The following ARHGEF33 variants were observed in gnomAD, a reference collection of about 807,000 sequenced individuals.
ARHGEF33 encodes Rho guanine nucleotide exchange factor 33, also known as DH and coiled-coil domain-containing protein ENSP00000381780.
In ARHGEF33, 72 loss-of-function variants were observed where a neutral mutation model predicts 101.9. The ratio of observed to expected loss-of-function variants is 0.71; its 90% CI spans 0.58 to 0.86. The LOEUF (loss-of-function observed/expected upper bound fraction) is 0.86, where lower values mean the gene tolerates loss of function less well. Ranked by LOEUF, ARHGEF33 falls within the 40% of genes least tolerant of loss-of-function variation. The pLI is 0.00. For missense variants in ARHGEF33, 1,169 were observed against 1,111.3 expected (o/e 1.05, Z -0.74); for synonymous variants, 499 against 442.5 (o/e 1.13, Z -1.60).
chr2:38,950,843 GA>G, intron 10 of ARHGEF33, 145 bp from the exon 11 acceptor site: 1 of 727,704 alleles, frequency 1.4e-6, no homozygotes, highest in Non-Finnish European at 2.2e-6. Flanking sequence ...GGTGTGCAAT[GA>G]AAAACTTTAA....
At chr2:38,961,369 A>G (rs6716101) in intron 16 of ARHGEF33, among the ~76,000 whole-genome samples, 141,727 of 152,174 alleles carry the variant, frequency 0.93, 66,106 homozygotes, top group African/African-American at 0.94. Context: ...CTGTGTCTGC[A>G]GGTCTACAGG....
In ARHGEF33 at chr2:38,966,109, GC is replaced by G; in HGVS notation, c.2448del (p.Arg818AlafsTer66). ...DQNPRQDQKG[G>X]FRSSFRKLFK... ...AATCCCAGGCAAGACCAGAAGGGGGGCTTTCGCAGCTCCTTCCGCAAGCTCT... is the reference window on the plus strand; with the variant it reads ...AATCCCAGGCAAGACCAGAAGGGGGGTTTCGCAGCTCCTTCCGCAAGCTCT... On this transcript the variant is annotated frameshift_variant, in exon 17 of 18. Transcript: ENST00000409978. LOFTEE classifies it high-confidence loss of function. The G allele has an allele frequency of 1.3e-6, 2 of 1,551,698 alleles. No homozygotes were observed. Among genetic ancestry groups the G allele is most frequent in the Non-Finnish European group, 1.7e-6 (2 of 1,146,980 alleles).
intron 17 of ARHGEF33, chr2:38,971,766 G>GA: frequency 1.4e-6 from 1 of 710,114 alleles, no homozygotes; most frequent in Middle Eastern, 2.5e-4. Flanking sequence ...TCAGACATTG[G>GA]AGACATAGGG....
At chr2:38,933,310 A>G (rs1356762843) in intron 7 of ARHGEF33, among the ~76,000 whole-genome samples, 1 of 152,170 alleles carries the variant, frequency 6.6e-6, no homozygotes, top group African/African-American at 2.4e-5. Context: ...ACAATTTGGC[A>G]GCTAGCTTCT....
intron 4 of ARHGEF33, among the ~76,000 whole-genome samples, chr2:38,922,160 T>A (rs1558428862): frequency 6.6e-6 from 1 of 152,154 alleles, no homozygotes; most frequent in Non-Finnish European, 1.5e-5. Context: ...TATTCTGACA[T>A]AATTTGTAAT....
intron 2 of ARHGEF33, among the ~76,000 whole-genome samples, chr2:38,904,232 C>T (rs926962393): frequency 2.6e-5 from 4 of 151,976 alleles, no homozygotes; most frequent in Non-Finnish European, 5.9e-5. Context: ...AAGGATTTGT[C>T]CATTGGAGTG....
At chr2:38,948,202 T>C (rs966991955) in intron 10 of ARHGEF33, among the ~76,000 whole-genome samples, 2 of 152,240 alleles carry the variant, frequency 1.3e-5, no homozygotes, top group Non-Finnish European at 2.9e-5. Context: ...GTGTGGCTTG[T>C]ACTTGCCATC....
chr2:38,943,953 C>T lies in ARHGEF33; in HGVS notation c.843C>T (p.Val281=). The change falls in exon 10 of 18, where the codon GTC becomes GTT. Residue 281 remains valine (V), a synonymous_variant. Coordinates refer to ENST00000409978, the MANE Select transcript of ARHGEF33 (RefSeq NM_001145451.5). ...TGCTTGAATCTGAAAGAAAATATGT[C>T]ATTAACATCTCTCTGATCTTGAAGA... The part of the protein sequence containing the change: ...LELLESERKY[V]INISLILKIK... 2.6e-6 allele frequency: 4 copies of T among 1,551,674 alleles called. No individual in the cohort carries two copies. The highest frequency in any genetic ancestry group is 1.7e-4 in the Middle Eastern group (1 of 5,994).
Position 38,893,735 on chromosome 2 carries a change from T to G in ARHGEF33, c.-158-2042T>G, listed in dbSNP as rs140397924. Reference sequence around the variant, plus strand: ...ACAATGCCTTTTATGTGGTATATGCTTATTAAATACTTGTTGAATGCACGT... The same window carrying G: ...ACAATGCCTTTTATGTGGTATATGCGTATTAAATACTTGTTGAATGCACGT... On this transcript the variant is annotated intron_variant, in intron 1 of 17. Coordinates refer to ENST00000409978, the MANE Select transcript of ARHGEF33 (RefSeq NM_001145451.5). 1.6e-4 allele frequency among the ~76,000 whole-genome samples: 25 copies of G among 152,354 alleles called. No individual in the cohort carries two copies. In the East Asian group the frequency reaches 4.8e-3, roughly 29 times the overall value.
intron 17 of ARHGEF33, chr2:38,972,011 A>T: frequency 1.4e-6 from 1 of 710,814 alleles, no homozygotes; most frequent in Non-Finnish European, 2.6e-6. Flanking sequence ...GATAGACCAG[A>T]TGTAGCTAAG....
At chr2:38,928,860 T>TA in intron 4 of ARHGEF33, 47 bp from the exon 5 acceptor site, 1 of 1,507,412 alleles carries the variant, frequency 6.6e-7, no homozygotes, top group Non-Finnish European at 8.9e-7. Context: ...TGGTGCCACT[T>TA]ACAGTAATTT....
At chr2:38,895,000 G>A (rs921907019) in intron 1 of ARHGEF33, among the ~76,000 whole-genome samples, 5 of 152,050 alleles carry the variant, frequency 3.3e-5, no homozygotes, top group African/African-American at 1.2e-4. Context: ...AGCCAAGCTG[G>A]GAATAAACAG....
chr2:38,931,331 A>G, intron 7 of ARHGEF33, 80 bp downstream of exon 7: 5 of 1,263,168 alleles, frequency 4.0e-6, no homozygotes, highest in Non-Finnish European at 5.4e-6. Context: ...TAAACCCTCC[A>G]TCTTTGTTAG....
intron 10 of ARHGEF33, among the ~76,000 whole-genome samples, chr2:38,948,705 A>G (rs1231662750): frequency 1.3e-5 from 2 of 152,158 alleles, no homozygotes; most frequent in Non-Finnish European, 2.9e-5. Flanking sequence ...TGGTGCCCTA[A>G]TATCTTCCAG....
At chr2:38,896,299 C>T (rs1159924478) in intron 2 of ARHGEF33, among the ~76,000 whole-genome samples, 2 of 152,092 alleles carry the variant, frequency 1.3e-5, no homozygotes, top group Non-Finnish European at 2.9e-5. Flanking sequence ...CCACCATGCC[C>T]AGCTAATTTT....
chr2:38,896,133 G>A (rs192008755), intron 2 of ARHGEF33, among the ~76,000 whole-genome samples: 1 of 152,064 alleles, frequency 6.6e-6, no homozygotes, highest in African/African-American at 2.4e-5. Flanking sequence ...ATGCTTTTTT[G>A]TTTGTTCGTT....
At chr2:38,946,672 CTG>C (rs1182159883) in intron 10 of ARHGEF33, among the ~76,000 whole-genome samples, 1 of 152,196 alleles carries the variant, frequency 6.6e-6, no homozygotes, top group Non-Finnish European at 1.5e-5. Flanking sequence ...GTTGCCCAGA[CTG>C]GAGTGCAGTG....
intron 7 of ARHGEF33, among the ~76,000 whole-genome samples, chr2:38,934,231 T>C (rs1284726471): frequency 6.6e-6 from 1 of 152,206 alleles, no homozygotes; most frequent in Non-Finnish European, 1.5e-5. Context: ...CTGTGCTTCT[T>C]TGATTTTACA....
At chr2:38,914,541 C>T (rs1003448095) in intron 2 of ARHGEF33, among the ~76,000 whole-genome samples, 4 of 151,922 alleles carry the variant, frequency 2.6e-5, no homozygotes, top group Admixed American at 6.6e-5. Context: ...GTGGCACACA[C>T]CTATAATCCC....
Sources: gnomAD v4.1 joint callset for allele counts (sites outside exome capture counted in the v4.1 genomes callset) on GRCh38, gnomAD v4.1.1 for gene constraint, MANE v1.5 for transcripts, NCBI Gene and HGNC (gene_info 2026-07-23, HGNC 2026-07-21) for gene names.